The following NT5DC1 variants were observed in gnomAD, a reference collection of about 807,000 sequenced individuals.
The protein encoded by NT5DC1 is 5'-nucleotidase domain containing 1.
Under a neutral mutation model 59.4 loss-of-function variants are expected in NT5DC1, and 42 were observed. The observed-to-expected ratio is 0.71, with a 90% CI of 0.55 to 0.92. The LOEUF (loss-of-function observed/expected upper bound fraction) is 0.92, where lower values mean the gene tolerates loss of function less well. Among genes scored for constraint, NT5DC1 ranks in the 40% least tolerant of loss-of-function variants. The pLI, the probability that NT5DC1 is intolerant of heterozygous loss-of-function variation, is 0.00. For synonymous variants in NT5DC1, 172 were observed against 188.1 expected, an observed-to-expected ratio of 0.91 and a Z score of 0.70; for missense variants, 501 against 537.1, an observed-to-expected ratio of 0.93 and a Z score of 0.66.
intron 6 of NT5DC1, among the ~76,000 whole-genome samples, chr6:116,201,603 A>G (rs1781348075): frequency 6.6e-6 from 1 of 151,978 alleles, no homozygotes; most frequent in Admixed American, 6.6e-5. Context: ...TAATATAAAG[A>G]TAATAGGGCA....
chr6:116,177,387 TTG>T (rs1026299673), intron 6 of NT5DC1, among the ~76,000 whole-genome samples: 14 of 152,198 alleles, frequency 9.2e-5, no homozygotes. Context: ...TTTATTATTT[TTG>T]TGATTGAAAC....
intron 6 of NT5DC1, among the ~76,000 whole-genome samples, chr6:116,213,477 A>G (rs1171190419): frequency 2.0e-5 from 3 of 152,136 alleles, no homozygotes; most frequent in African/African-American, 2.4e-5. Context: ...GAACTAACAC[A>G]GGGTCATTCG....
chr6:116,156,724 A>G (rs932024693), intron 6 of NT5DC1, among the ~76,000 whole-genome samples: 1 of 152,238 alleles, frequency 6.6e-6, no homozygotes, highest in African/African-American at 2.4e-5. Context: ...TTGCTTTTAA[A>G]TTTCAGCATA....
intron 6 of NT5DC1, among the ~76,000 whole-genome samples, chr6:116,141,382 G>A (rs1488412200): frequency 6.6e-6 from 1 of 151,794 alleles, no homozygotes; most frequent in Non-Finnish European, 1.5e-5. Flanking sequence ...TCTCTCTAGG[G>A]CATCTTATGT....
Position 116,120,016 on chromosome 6 carries a change from G to T in NT5DC1, c.529+2071G>T. 8.6e-6 allele frequency: 12 copies of T among 1,399,084 alleles called. No individual in the cohort carries two copies. In the South Asian group the frequency reaches 1.4e-4, roughly 16 times the overall value. The allele number at this position is 1,399,084 out of a possible 1,614,324, so 86.7% of individuals were successfully genotyped here. On this transcript the variant is annotated intron_variant, in intron 6 of 11. Transcript: ENST00000319550. Reference sequence around the variant, plus strand: ...ACCTCCATATGCATTTTGTAGGGTGGGGTAGAGTTAGAGAATGCTTTTTCT... The same window carrying T: ...ACCTCCATATGCATTTTGTAGGGTGTGGTAGAGTTAGAGAATGCTTTTTCT...
chr6:116,116,834 CTT>C (rs1469941711), intron 5 of NT5DC1, among the ~76,000 whole-genome samples: 1 of 151,558 alleles, frequency 6.6e-6, no homozygotes, highest in African/African-American at 2.4e-5. Context: ...GTGTATCAGT[CTT>C]TAAATATTTT....
chr6:116,235,946 A>G (rs924684449), intron 8 of NT5DC1, among the ~76,000 whole-genome samples: 2 of 152,148 alleles, frequency 1.3e-5, no homozygotes, highest in Non-Finnish European at 2.9e-5. Context: ...ATCTCTTCCA[A>G]ATCCTAGCAG....
In NT5DC1 at chr6:116,156,753, C is replaced by T. The variant is rs77775306; in HGVS notation, c.529+38808C>T. On this transcript the variant is annotated intron_variant, in intron 6 of 11. Coordinates refer to ENST00000319550, the MANE Select transcript of NT5DC1 (RefSeq NM_152729.3). ...CAGCATATCTTGAATAAGAAGTACA[C>T]TTAAGAGTAATATCCAAGATATCTA... Among the ~76,000 whole-genome samples the T allele has an allele frequency of 1.1e-3, 171 of 152,238 alleles. 4 individuals are homozygous for T. In the East Asian group the frequency reaches 0.03, roughly 27 times the overall value.
intron 6 of NT5DC1, among the ~76,000 whole-genome samples, chr6:116,139,416 T>A (rs917084308): frequency 6.6e-6 from 1 of 152,184 alleles, no homozygotes; most frequent in African/African-American, 2.4e-5. Context: ...AACAATTGTA[T>A]TTGAAATCCA....
intron 6 of NT5DC1, chr6:116,145,451 C>A: frequency 2.6e-6 from 1 of 389,148 alleles, no homozygotes; most frequent in South Asian, 2.0e-5. Flanking sequence ...GAAGATTGGC[C>A]ACATCCTTGC....
chr6:116,113,094 C>T (rs891324381), intron 4 of NT5DC1, among the ~76,000 whole-genome samples: 21 of 152,306 alleles, frequency 1.4e-4, no homozygotes, highest in African/African-American at 5.1e-4. Context: ...CTTATCTTCC[C>T]CAAATGGTAG....
intron 6 of NT5DC1, among the ~76,000 whole-genome samples, chr6:116,182,954 C>T (rs951156832): frequency 1.8e-4 from 27 of 152,168 alleles, no homozygotes; most frequent in African/African-American, 5.1e-4. Context: ...TTGCCTAAAC[C>T]AGTGTCTAGA....
intron 6 of NT5DC1, among the ~76,000 whole-genome samples, chr6:116,208,108 C>A (rs76786543): frequency 6.6e-6 from 1 of 152,026 alleles, no homozygotes; most frequent in East Asian, 1.9e-4. Context: ...TAGTTAATGA[C>A]CCCTAATATC....
chr6:116,125,668 T>A (rs568175652), intron 6 of NT5DC1: 1 of 559,296 alleles, frequency 1.8e-6, no homozygotes, highest in African/African-American at 1.9e-5. Context: ...ATTTTTTAGT[T>A]ATGTGAATAT....
In NT5DC1 at chr6:116,238,981, T is replaced by C; in HGVS notation, c.1110T>C (p.Thr370=). The change falls in exon 11 of 12, where the codon ACT becomes ACC. Residue 370 remains threonine (T), a synonymous_variant. Transcript: ENST00000319550. Reference sequence around the variant, plus strand: ...GACCAAAAGCAAAACCTTTAAATACTTCATCTAAAAAATGGGGCTCTTTTT... The same window carrying C: ...GACCAAAAGCAAAACCTTTAAATACCTCATCTAAAAAATGGGGCTCTTTTT... The part of the protein sequence containing the change: ...YEGPKAKPLN[T]SSKKWGSFFI... 1 of 1,605,362 alleles carries C rather than the reference T, an allele frequency of 6.2e-7. No homozygotes were observed. Among genetic ancestry groups the C allele is most frequent in the Non-Finnish European group, 8.5e-7 (1 of 1,172,532 alleles).
intron 6 of NT5DC1, among the ~76,000 whole-genome samples, chr6:116,142,277 A>G (rs1258269169): frequency 2.0e-5 from 3 of 151,468 alleles, no homozygotes; most frequent in Admixed American, 1.3e-4. Flanking sequence ...ATTAAATTCT[A>G]TTTTTGCTTT....
intron 4 of NT5DC1, among the ~76,000 whole-genome samples, chr6:116,115,390 A>G (rs1562119370): frequency 6.6e-6 from 1 of 152,176 alleles, no homozygotes; most frequent in Admixed American, 6.5e-5. Context: ...TGGCTTTTTC[A>G]TATTCTATTT....
chr6:116,110,605 G>C, intron 3 of NT5DC1: 1 of 588,518 alleles, frequency 1.7e-6, no homozygotes, highest in Admixed American at 2.5e-5. Context: ...ATCTTATCCA[G>C]TGTTGACCTC....
chr6:116,115,955 C>CT (rs956567371), intron 5 of NT5DC1, among the ~76,000 whole-genome samples, 185 bp downstream of exon 5: 84 of 148,214 alleles, frequency 5.7e-4, no homozygotes, highest in African/African-American at 1.7e-3. Flanking sequence ...TAGCAGTGAC[C>CT]TTTTTTTTTT....
Sources: gnomAD v4.1 joint callset for allele counts (sites outside exome capture counted in the v4.1 genomes callset) on GRCh38, gnomAD v4.1.1 for gene constraint, MANE v1.5 for transcripts, NCBI Gene and HGNC (gene_info 2026-07-23, HGNC 2026-07-21) for gene names.